Variants in GAR1 observed in about 807,000 individuals in gnomAD.
GAR1 encodes the protein H/ACA ribonucleoprotein complex subunit 1.
A neutral mutation model predicts 29.3 loss-of-function variants in GAR1; 11 were observed. The ratio of observed to expected loss-of-function variants is 0.38; its 90% CI spans 0.24 to 0.62. The LOEUF is 0.62. Among genes scored for constraint, GAR1 ranks in the 20% least tolerant of loss-of-function variants. The pLI is 0.62. For missense variants in GAR1, 237 were observed against 268.4 expected, an observed-to-expected ratio of 0.88 and a Z score of 0.82; for synonymous variants, 87 against 93.3, an observed-to-expected ratio of 0.93 and a Z score of 0.39.
At position 109,817,830 on chromosome 4, in the gene GAR1, C is replaced by A. The variant is rs545934535; in HGVS notation, c.215-106C>A. ...TGTGGTCTTCTGCCTCAGAGGAGAG[C>A]AGTTATGGTGAAGTCCCAGGTAGCC... On this transcript the variant is annotated intron_variant, in intron 2 of 6. Transcript: ENST00000226796. The A allele has an allele frequency of 6.3e-6, 5 of 797,988 alleles. No homozygotes were observed. In the Admixed American group the frequency reaches 8.2e-5, roughly 13 times the overall value. 49.4% of individuals were successfully genotyped at this position (797,988 alleles called of 1,614,324 possible).
At position 109,824,620 on chromosome 4, in the gene GAR1, AC is replaced by A. The variant is rs1275804767; in HGVS notation, c.*190del. ...TGAATTTTGCTCTAAAAGAGCATGA[AC>A]AAGTCTTTCTAATGTTTTGTACAGT... On this transcript the variant is annotated 3_prime_UTR_variant, in exon 7 of 7. Coordinates refer to ENST00000226796, the MANE Select transcript of GAR1 (RefSeq NM_018983.4). The A allele has an allele frequency of 2.1e-4, 120 of 561,674 alleles. No individual in the cohort carries two copies. In the East Asian group the frequency reaches 3.5e-3, roughly 16 times the overall value. 34.8% of individuals were successfully genotyped at this position (561,674 alleles called of 1,614,324 possible).
intron 4 of GAR1, among the ~76,000 whole-genome samples, chr4:109,820,658 A>G (rs866546376): frequency 1.3e-5 from 2 of 152,092 alleles, no homozygotes; most frequent in African/African-American, 4.8e-5. Context: ...CTGCTCAGCT[A>G]TGGCAAAAGG....
Position 109,816,158 on chromosome 4 carries a change from A to T in GAR1, c.-7A>T. 6.4e-7 allele frequency: 1 copy of T among 1,567,480 alleles called. No homozygotes were observed. The highest frequency in any genetic ancestry group is 2.3e-5 in the East Asian group (1 of 43,432). ...GGTCGTTTTTTTTTCATCAGGGAGGAGAGAGAATGTCTTTTCGAGGCGGAG... is the reference window on the plus strand; with the variant it reads ...GGTCGTTTTTTTTTCATCAGGGAGGTGAGAGAATGTCTTTTCGAGGCGGAG... On this transcript the variant is annotated 5_prime_UTR_variant, in exon 2 of 7. Transcript: ENST00000226796.
At chr4:109,822,102 T>C (rs1050636185) in intron 4 of GAR1, among the ~76,000 whole-genome samples, 1 of 144,016 alleles carries the variant, frequency 6.9e-6, no homozygotes, top group African/African-American at 2.6e-5. Flanking sequence ...ATGGCACATG[T>C]GTACCTATGT....
At chr4:109,817,688 GTTA>G in intron 2 of GAR1, among the ~76,000 whole-genome samples, 1 of 152,316 alleles carries the variant, frequency 6.6e-6, no homozygotes. Context: ...TACATTATAT[GTTA>G]TTAGTGCATA....
At chr4:109,816,910 T>G (rs1390097196) in intron 2 of GAR1, among the ~76,000 whole-genome samples, 3 of 152,138 alleles carry the variant, frequency 2.0e-5, no homozygotes, top group Non-Finnish European at 4.4e-5. Context: ...AGTAGATAAG[T>G]GAGAAAACAA....
chr4:109,816,106 C>CT, intron 1 of GAR1, 47 bp from the exon 2 acceptor site: 2 of 1,555,172 alleles, frequency 1.3e-6, no homozygotes, highest in South Asian at 2.2e-5. Flanking sequence ...GGAGTATACT[C>CT]AGAGGCTACA....
intron 5 of GAR1, 195 bp downstream of exon 5, chr4:109,822,683 T>C: frequency 2.1e-6 from 1 of 486,390 alleles, no homozygotes; most frequent in Non-Finnish European, 3.4e-6. Context: ...GAAAATCTAC[T>C]AAAGTATACT....
chr4:109,824,307 T>G, intron 6 of GAR1, 111 bp from the exon 7 acceptor site: 1 of 741,776 alleles, frequency 1.3e-6, no homozygotes, highest in Non-Finnish European at 2.4e-6. Context: ...GTAAAGTATG[T>G]TTGCTAAACA....
At chr4:109,818,254 T>C (rs1733405868) in intron 3 of GAR1, among the ~76,000 whole-genome samples, 164 bp downstream of exon 3, 1 of 152,212 alleles carries the variant, frequency 6.6e-6, no homozygotes, top group African/African-American at 2.4e-5. Context: ...TATTCATCCA[T>C]AGATATTAAA....
At position 109,818,664 on chromosome 4, in the gene GAR1, G is replaced by A. The variant is rs111799726; in HGVS notation, c.370-337G>A. Among the ~76,000 whole-genome samples, 919 of 148,290 alleles carry A rather than the reference G, an allele frequency of 6.2e-3. 4 individuals are homozygous for A. The highest frequency in any genetic ancestry group is 0.01 in the Non-Finnish European group (706 of 67,504). On this transcript the variant is annotated intron_variant, in intron 3 of 6. Transcript: ENST00000226796. ...ACTACAACCTCCGCCTCCTGGGTTC[G>A]AGCAATTCTCGTGCCTCAGCCTTTC...
At chr4:109,817,470 GA>G (rs372114372) in intron 2 of GAR1, among the ~76,000 whole-genome samples, 2,271 of 140,110 alleles carry the variant, frequency 0.016, 66 homozygotes, top group African/African-American at 0.054. Context: ...TAAGGCAAGA[GA>G]AAAAAAAAAA....
At chr4:109,815,758 G>C (rs971571564), upstream of GAR1, 2 of 191,424 alleles carry the variant, frequency 1.0e-5, no homozygotes, top group Non-Finnish European at 2.2e-5. Flanking sequence ...AGTACCCCGC[G>C]GGTGGGTGTG....
intron 4 of GAR1, chr4:109,819,297 GC>G: frequency 2.0e-6 from 1 of 498,692 alleles, no homozygotes; most frequent in South Asian, 2.5e-5. Context: ...TCTGTAAACT[GC>G]TAGAGTAAGA....
rs552171823 is a variant in GAR1 at position 109,824,365 on chromosome 4, C to T, written c.641-53C>T. 1.0e-5 allele frequency: 12 copies of T among 1,204,012 alleles called. No individual in the cohort carries two copies. The African/African-American group carries it at 1.2e-4, about 12-fold the overall frequency. 74.6% of individuals were successfully genotyped at this position (1,204,012 alleles called of 1,614,324 possible). A position where few individuals can be genotyped will look rare whatever the true frequency, so the allele number is the denominator to read the frequency against. ...TAAACTTGAGATTTAGGTTATAATA[C>T]TATTAAAAATCCATTTTCTGTGCCC... On this transcript the variant is annotated intron_variant, in intron 6 of 6. Coordinates refer to ENST00000226796, the MANE Select transcript of GAR1 (RefSeq NM_018983.4).
intron 4 of GAR1, among the ~76,000 whole-genome samples, 187 bp from the exon 5 acceptor site, chr4:109,822,155 TAAAAA>T (rs59097048): frequency 9.8e-6 from 1 of 101,638 alleles, no homozygotes; most frequent in Non-Finnish European, 2.0e-5. Flanking sequence ...GAACTTAAGG[TAAAAA>T]AAAAAAAAAA....
chr4:109,824,148 G>T, intron 6 of GAR1, 115 bp downstream of exon 6: 1 of 730,010 alleles, frequency 1.4e-6, no homozygotes, highest in African/African-American at 1.8e-5. Flanking sequence ...AGAACACCAT[G>T]GTGTTCTTTG....
chr4:109,815,718 C>T (rs1289074179), upstream of GAR1: 3 of 176,678 alleles, frequency 1.7e-5, no homozygotes, highest in Non-Finnish European at 3.6e-5. Context: ...TGTGGCGGTA[C>T]GGTAACCGAG....
chr4:109,818,567 CTT>C (rs34081446), intron 3 of GAR1, among the ~76,000 whole-genome samples: 12 of 123,746 alleles, frequency 9.7e-5, no homozygotes, highest in Admixed American at 1.8e-4. Flanking sequence ...TTCTTTTTTC[CTT>C]TTTTTTTTTT....
Sources: gnomAD v4.1 joint callset for allele counts (sites outside exome capture counted in the v4.1 genomes callset) on GRCh38, gnomAD v4.1.1 for gene constraint, MANE v1.5 for transcripts, NCBI Gene and HGNC (gene_info 2026-07-23, HGNC 2026-07-21) for gene names.